Variants in TYW1B observed in about 807,000 individuals in gnomAD.
The protein encoded by TYW1B is tRNA-yW synthesizing protein 1 homolog B, also known as S-adenosyl-L-methionine-dependent tRNA 4-demethylwyosine synthase TYW1B.
TYW1B carries 73 observed loss-of-function variants against 86.9 expected under a neutral mutation model. The observed-to-expected ratio is 0.84, with a 90% confidence interval of 0.70 to 1.02. TYW1B has a LOEUF of 1.02. Among genes scored for constraint, TYW1B ranks in the 50% least tolerant of loss-of-function variants. The pLI is 0.00. For synonymous variants in TYW1B, 248 were observed against 292.8 expected (o/e 0.85, Z 1.56); for missense variants, 637 against 827.4 (o/e 0.77, Z 2.82).
intron 8 of TYW1B, among the ~76,000 whole-genome samples, chr7:72,737,823 G>A (rs35402212): frequency 2.3e-4 from 33 of 141,528 alleles, no homozygotes; most frequent in Non-Finnish European, 4.5e-4. Context: ...AGCCCAGGTT[G>A]GAGTGCAGTG....
At chr7:72,795,989 G>A (rs1416868600) in intron 6 of TYW1B, among the ~76,000 whole-genome samples, 1 of 7,004 alleles carries the variant, frequency 1.4e-4, no homozygotes, top group East Asian at 1.5e-3. Flanking sequence ...TGTATTTTTA[G>A]TAGAGACGGG....
intron 11 of TYW1B, among the ~76,000 whole-genome samples, chr7:72,655,485 C>G (rs71553256): frequency 3.0e-4 from 45 of 149,160 alleles, no homozygotes; most frequent in African/African-American, 1.1e-3. Flanking sequence ...TCTCCACATC[C>G]CTGGAGCCCT....
chr7:72,764,599 A>G (rs1190041418), intron 7 of TYW1B, among the ~76,000 whole-genome samples: 1 of 152,174 alleles, frequency 6.6e-6, no homozygotes, highest in Non-Finnish European at 1.5e-5. Context: ...ACTCTTGAAC[A>G]CATTTCTGAT....
At chr7:72,581,211 C>T (rs1449431816) in intron 13 of TYW1B, among the ~76,000 whole-genome samples, 2 of 132,778 alleles carry the variant, frequency 1.5e-5, no homozygotes, top group Admixed American at 1.6e-4. Flanking sequence ...CAGAAAGGAT[C>T]TGTGGTCTGT....
Position 72,575,645 on chromosome 7 carries a change from A to G in TYW1B, c.1860T>C (p.Asp620=), listed in dbSNP as rs371308336. 720 of 1,613,726 alleles carry G rather than the reference A, an allele frequency of 4.5e-4. 4 individuals are homozygous for G. The African/African-American group carries it at 8.2e-3, about 18-fold the overall frequency. Residue 620 remains aspartate, a synonymous_variant, in exon 14 of 14, where the codon GAT becomes GAC. Transcript: ENST00000620995. ...RFQELIQEYE[D]SGGSKTFSAK... Reference sequence around the variant, plus strand: ...CGCTGAACGTTTTTGATCCACCACTATCTTCATATTCCTGGATGAGCTCCT... The same window carrying G: ...CGCTGAACGTTTTTGATCCACCACTGTCTTCATATTCCTGGATGAGCTCCT...
intron 9 of TYW1B, among the ~76,000 whole-genome samples, chr7:72,722,132 A>G (rs1469613789): frequency 6.6e-6 from 1 of 152,152 alleles, no homozygotes; most frequent in Non-Finnish European, 1.5e-5. Flanking sequence ...GTTTTTCATA[A>G]ATTAGTTTCT....
intron 7 of TYW1B, among the ~76,000 whole-genome samples, chr7:72,772,662 A>G (rs1787888045): frequency 6.6e-6 from 1 of 152,176 alleles, no homozygotes; most frequent in South Asian, 2.1e-4. Flanking sequence ...AACAAGTAGT[A>G]CATTCTGATT....
At chr7:72,753,595 T>C (rs35358702) in intron 7 of TYW1B, among the ~76,000 whole-genome samples, 103,883 of 151,262 alleles carry the variant, frequency 0.69, 36,594 homozygotes, top group Non-Finnish European at 0.77. Context: ...ATTCTCCTGC[T>C]TCAGCCTCCA....
intron 6 of TYW1B, among the ~76,000 whole-genome samples, chr7:72,787,641 C>T (rs144360778): frequency 5.9e-5 from 9 of 151,362 alleles, no homozygotes; most frequent in African/African-American, 1.2e-4. Context: ...CGTGGTGGCG[C>T]GTACCTGCAG....
intron 10 of TYW1B, among the ~76,000 whole-genome samples, chr7:72,701,144 T>C (rs1444057061): frequency 1.3e-5 from 2 of 152,232 alleles, no homozygotes; most frequent in African/African-American, 4.8e-5. Context: ...AATCTTTGTC[T>C]AGTAAGTCCA....
rs1363850044 is a variant in TYW1B, at chr7:72,798,033, ACACACG to A, written c.846+4361_846+4366del. Among the ~76,000 whole-genome samples the A allele has an allele frequency of 5.0e-3, 450 of 89,332 alleles. 2 individuals are homozygous for A. Among genetic ancestry groups the A allele is most frequent in the African/African-American group, 0.016 (429 of 27,050 alleles). 58.6% of individuals were successfully genotyped at this position (89,332 alleles called of 152,430 possible). On this transcript the variant is annotated intron_variant, in intron 6 of 13. Transcript: ENST00000620995. Reference sequence around the variant, plus strand: ...TATACACACACACACACACACACACACACACGCACACACATATATACATGCATATTT... The same window carrying A: ...TATACACACACACACACACACACACACACACACATATATACATGCATATTT...
At position 72,826,845 on chromosome 7, in the gene TYW1B, C is replaced by A; in HGVS notation, c.135+10G>T. 1 of 1,606,078 alleles carries A rather than the reference C, an allele frequency of 6.2e-7. No homozygotes were observed. The highest frequency in any genetic ancestry group is 1.1e-5 in the South Asian group (1 of 89,410). ...CTAAATACTCTATTAAAAAAAATAACTCCACTTACCTGCATCTCGATGACA... is the reference window on the plus strand; with the variant it reads ...CTAAATACTCTATTAAAAAAAATAAATCCACTTACCTGCATCTCGATGACA... On this transcript the variant is annotated intron_variant, in intron 2 of 13. Transcript: ENST00000620995.
At position 72,828,135 on chromosome 7, in the gene TYW1B, T is replaced by G. The variant is rs1290977616; in HGVS notation, c.-60A>C. ...ACCTGGAGAGCCCAAAGGTTCGCAC[T>G]GGTACTGCGAGACGCACCGAGCTAC... On this transcript the variant is annotated 5_prime_UTR_variant, in exon 1 of 14. Coordinates refer to ENST00000620995, the MANE Select transcript of TYW1B (RefSeq NM_001145440.3). The G allele has an allele frequency of 3.1e-6, 5 of 1,609,874 alleles. No individual in the cohort carries two copies. Among genetic ancestry groups the G allele is most frequent in the Non-Finnish European group, 4.2e-6 (5 of 1,178,280 alleles).
intron 11 of TYW1B, among the ~76,000 whole-genome samples, chr7:72,688,703 T>C (rs781831500): frequency 6.6e-6 from 1 of 152,158 alleles, no homozygotes. Context: ...GAGATGACTT[T>C]CCGATCTACC....
intron 11 of TYW1B, among the ~76,000 whole-genome samples, chr7:72,635,733 T>C (rs561815501): frequency 2.0e-5 from 3 of 152,370 alleles, no homozygotes; most frequent in African/African-American, 7.2e-5. Flanking sequence ...ATTGAATCTA[T>C]AAGCCAGTGT....
At chr7:72,607,135 C>T (rs1243944852) in intron 13 of TYW1B, among the ~76,000 whole-genome samples, 1 of 152,074 alleles carries the variant, frequency 6.6e-6, no homozygotes, top group Non-Finnish European at 1.5e-5. Context: ...TGTGGTGGCT[C>T]ATGCCTGTAA....
At chr7:72,750,406 T>A (rs782746411) in intron 7 of TYW1B, among the ~76,000 whole-genome samples, 3 of 152,208 alleles carry the variant, frequency 2.0e-5, no homozygotes, top group Admixed American at 2.0e-4. Context: ...CTTGCTTCCA[T>A]GGTTTCAGAT....
chr7:72,619,819 T>G (rs1443526697), intron 12 of TYW1B, among the ~76,000 whole-genome samples: 1 of 152,182 alleles, frequency 6.6e-6, no homozygotes. Flanking sequence ...CAACCATGTA[T>G]GCAGTAGCTA....
At chr7:72,607,623 GA>G (rs1249106652) in intron 13 of TYW1B, among the ~76,000 whole-genome samples, 2 of 151,638 alleles carry the variant, frequency 1.3e-5, no homozygotes, top group African/African-American at 4.8e-5. Context: ...TAAAAAGACA[GA>G]ATGAATCAAT....
Sources: gnomAD v4.1 joint callset for allele counts (sites outside exome capture counted in the v4.1 genomes callset) on GRCh38, gnomAD v4.1.1 for gene constraint, MANE v1.5 for transcripts, NCBI Gene and HGNC (gene_info 2026-07-23, HGNC 2026-07-21) for gene names.